Variants in PACRG observed in about 807,000 individuals in gnomAD.
PACRG encodes parkin coregulated.
Under a neutral mutation model 29.7 loss-of-function variants are expected in PACRG, and 29 were observed. The ratio of observed to expected loss-of-function variants is 0.98; its 90% CI spans 0.73 to 1.33. The LOEUF (loss-of-function observed/expected upper bound fraction) is 1.33, where lower values mean the gene tolerates loss of function less well. PACRG is among the 40% of genes most tolerant of loss of function. The probability of loss-of-function intolerance (pLI) is 0.00; values close to 1 mark genes in which losing one functional copy is unlikely to be tolerated. For synonymous variants in PACRG, 116 were observed against 118.7 expected, an observed-to-expected ratio of 0.98 and a Z score of 0.15; for missense variants, 279 against 316.2, an observed-to-expected ratio of 0.88 and a Z score of 0.89.
intron 2 of PACRG, among the ~76,000 whole-genome samples, chr6:162,992,363 C>G (rs1214949698): frequency 3.1e-5 from 4 of 131,090 alleles, no homozygotes; most frequent in African/African-American, 1.3e-4. Context: ...GTGAATCCAT[C>G]TGGTCCTGGA....
At chr6:162,747,225 C>G (rs1781059174) in intron 1 of PACRG, among the ~76,000 whole-genome samples, 1 of 149,274 alleles carries the variant, frequency 6.7e-6, no homozygotes, top group Non-Finnish European at 1.5e-5. Flanking sequence ...GGCCTAGCCT[C>G]CCAGCCTACG....
chr6:162,751,570 C>G (rs1781517409), intron 1 of PACRG, among the ~76,000 whole-genome samples: 1 of 151,910 alleles, frequency 6.6e-6, no homozygotes, highest in Non-Finnish European at 1.5e-5. Context: ...AGTTCTTATT[C>G]TCAAACTTAA....
intron 2 of PACRG, among the ~76,000 whole-genome samples, chr6:162,937,078 C>A (rs903359654): frequency 6.6e-6 from 1 of 152,088 alleles, no homozygotes; most frequent in African/African-American, 2.4e-5. Context: ...ATTTGAAGTT[C>A]AAAAGAAAGG....
At chr6:162,879,862 G>A (rs1379409678) in intron 2 of PACRG, among the ~76,000 whole-genome samples, 1 of 152,084 alleles carries the variant, frequency 6.6e-6, no homozygotes, top group Non-Finnish European at 1.5e-5. Flanking sequence ...AGAAGTAGCT[G>A]GTATATCTAT....
intron 2 of PACRG, among the ~76,000 whole-genome samples, chr6:163,052,553 C>A (rs751690827): frequency 1.2e-4 from 19 of 152,136 alleles, no homozygotes; most frequent in Non-Finnish European, 1.8e-4. Context: ...GTGATTGGAT[C>A]ATGGGGGTGG....
intron 4 of PACRG, among the ~76,000 whole-genome samples, chr6:163,269,890 A>AAAGAAAG (rs35666509): frequency 4.2e-5 from 1 of 23,832 alleles, no homozygotes; most frequent in African/African-American, 2.1e-4. Flanking sequence ...AGAAAGAAAG[A>AAAGAAAG]AAACAAAGAA....
At chr6:163,189,046 T>TA (rs1446516923) in intron 4 of PACRG, among the ~76,000 whole-genome samples, 1 of 152,182 alleles carries the variant, frequency 6.6e-6, no homozygotes, top group Non-Finnish European at 1.5e-5. Context: ...GATAATTGAT[T>TA]AAAATGTCAA....
At chr6:163,308,984 G>A (rs1039974533) in intron 4 of PACRG, among the ~76,000 whole-genome samples, 6 of 152,148 alleles carry the variant, frequency 3.9e-5, no homozygotes, top group African/African-American at 1.4e-4. Context: ...TCAAAAATAT[G>A]CCTTTTCTGG....
chr6:163,272,189 C>A (rs1299859163), intron 4 of PACRG, among the ~76,000 whole-genome samples: 2 of 152,104 alleles, frequency 1.3e-5, no homozygotes, highest in Non-Finnish European at 2.9e-5. Context: ...CAGGCATGCG[C>A]CACCATGCCC....
At chr6:162,795,284 T>C (rs1785282431) in intron 1 of PACRG, among the ~76,000 whole-genome samples, 1 of 152,174 alleles carries the variant, frequency 6.6e-6, no homozygotes, top group African/African-American at 2.4e-5. Flanking sequence ...TGACTCTTTT[T>C]AGGACACTTA....
At chr6:162,979,675 ATC>A (rs1802245678) in intron 2 of PACRG, among the ~76,000 whole-genome samples, 1 of 152,152 alleles carries the variant, frequency 6.6e-6, no homozygotes. Context: ...ATAAAATTGT[ATC>A]TCTTACACAC....
chr6:163,124,105 C>G (rs1208779790), intron 4 of PACRG, among the ~76,000 whole-genome samples: 1 of 152,218 alleles, frequency 6.6e-6, no homozygotes, highest in Non-Finnish European at 1.5e-5. Context: ...GGAGAAATGT[C>G]TATTCAAGTC....
intron 4 of PACRG, among the ~76,000 whole-genome samples, chr6:163,103,823 T>G (rs961791650): frequency 4.6e-5 from 7 of 152,238 alleles, no homozygotes; most frequent in African/African-American, 1.7e-4. Flanking sequence ...GTATTATTTT[T>G]GGAATTGTTA....
At chr6:163,064,451 C>T (rs376990240) in intron 3 of PACRG, among the ~76,000 whole-genome samples, 5 of 152,150 alleles carry the variant, frequency 3.3e-5, no homozygotes, top group East Asian at 3.9e-4. Flanking sequence ...TTTAGGGTTC[C>T]GGAAGCAATG....
chr6:162,831,007 T>G (rs1044463266), intron 2 of PACRG, among the ~76,000 whole-genome samples: 1 of 152,252 alleles, frequency 6.6e-6, no homozygotes, highest in Non-Finnish European at 1.5e-5. Flanking sequence ...TGCTTCATTT[T>G]GTCCTATTCT....
chr6:162,848,441 G>C (rs1338676797), intron 2 of PACRG, among the ~76,000 whole-genome samples: 1 of 152,188 alleles, frequency 6.6e-6, no homozygotes, highest in African/African-American at 2.4e-5. Context: ...ACGAGGTCTT[G>C]CACACTCCTT....
At chr6:163,150,647 T>C (rs1778044194) in intron 4 of PACRG, among the ~76,000 whole-genome samples, 1 of 152,240 alleles carries the variant, frequency 6.6e-6, no homozygotes, top group Non-Finnish European at 1.5e-5. Flanking sequence ...CGTGGAATTA[T>C]TTGCTCCCTC....
At chr6:163,070,497 A>C (rs1351835972) in intron 3 of PACRG, among the ~76,000 whole-genome samples, 4 of 152,080 alleles carry the variant, frequency 2.6e-5, no homozygotes, top group Non-Finnish European at 5.9e-5. Context: ...ATGAGTTATG[A>C]GATAGTATTT....
intron 1 of PACRG, among the ~76,000 whole-genome samples, chr6:162,748,594 C>T (rs1411554568): frequency 6.6e-6 from 1 of 152,122 alleles, no homozygotes; most frequent in Non-Finnish European, 1.5e-5. Context: ...AAAATCTCTT[C>T]TCAAATCAAT....
Sources: gnomAD v4.1 joint callset for allele counts (sites outside exome capture counted in the v4.1 genomes callset) on GRCh38, gnomAD v4.1.1 for gene constraint, MANE v1.5 for transcripts, NCBI Gene and HGNC (gene_info 2026-07-23, HGNC 2026-07-21) for gene names.